DOCK8: variants seen among roughly 807,000 people sequenced by gnomAD.
The protein encoded by DOCK8 is dedicator of cytokinesis 8, also known as dedicator of cytokinesis protein 8.
DOCK8 carries 141 observed loss-of-function variants against 245.6 expected under a neutral mutation model. The ratio of observed to expected loss-of-function variants is 0.57; its 90% confidence interval spans 0.50 to 0.66. The LOEUF (loss-of-function observed/expected upper bound fraction) is 0.66. Among genes scored for constraint, DOCK8 ranks in the 30% least tolerant of loss-of-function variants. The probability of loss-of-function intolerance (pLI) is 0.00; values close to 1 mark genes in which losing one functional copy is unlikely to be tolerated. For synonymous variants in DOCK8, 1,168 were observed against 970.2 expected, an observed-to-expected ratio of 1.20 and a Z score of -3.79; for missense variants, 2,965 against 2,603.4, an observed-to-expected ratio of 1.14 and a Z score of -3.02.
intron 14 of DOCK8, among the ~76,000 whole-genome samples, chr9:362,023 C>G (rs570971402): frequency 4.5e-4 from 68 of 152,260 alleles, no homozygotes; most frequent in Non-Finnish European, 8.8e-4. Context: ...GTTGTTCGAC[C>G]TTGAACAACT....
intron 5 of DOCK8, among the ~76,000 whole-genome samples, chr9:307,461 C>T (rs769671538): frequency 1.4e-4 from 20 of 147,308 alleles, no homozygotes; most frequent in Admixed American, 6.3e-4. Flanking sequence ...CAAGTTCAAG[C>T]GATTCTTCTG....
chr9:253,970 A>C (rs1270586738), intron 1 of DOCK8, among the ~76,000 whole-genome samples: 2 of 152,250 alleles, frequency 1.3e-5, no homozygotes, highest in Non-Finnish European at 2.9e-5. Context: ...AATGCAAAGT[A>C]TTCTAAAACT....
rs1564016709 is a variant in DOCK8 at position 400,951 on chromosome 9, CA to C, written c.3234+1693del. The stretch of plus-strand genomic sequence containing the variant: ...CCACAACATCCACCACCACCATCAC[CA>C]CCACCACCACCACCTCCTCCACCAT... On this transcript the variant is annotated intron_variant, in intron 26 of 47. Coordinates refer to ENST00000432829, the MANE Select transcript of DOCK8 (RefSeq NM_203447.4). 1.1e-4 allele frequency among the ~76,000 whole-genome samples: 8 copies of C among 72,538 alleles called. 2 individuals are homozygous for C. In the African/African-American group the frequency reaches 2.2e-3, roughly 20 times the overall value. 47.6% of individuals were successfully genotyped at this position (72,538 alleles called of 152,430 possible).
chr9:258,875 G>A (rs522222), intron 1 of DOCK8, among the ~76,000 whole-genome samples: 60,310 of 151,824 alleles, frequency 0.4, 12,615 homozygotes, highest in East Asian at 0.79. Context: ...TGGGATTACG[G>A]GCGTGAGCCA....
chr9:386,851 A>C (rs2053977535), intron 23 of DOCK8, among the ~76,000 whole-genome samples: 1 of 152,238 alleles, frequency 6.6e-6, no homozygotes, highest in African/African-American at 2.4e-5. Flanking sequence ...TCCTTGACAA[A>C]AGTGAATGGC....
chr9:296,764 C>T (rs1476445000), intron 4 of DOCK8, among the ~76,000 whole-genome samples: 1 of 152,180 alleles, frequency 6.6e-6, no homozygotes, highest in Non-Finnish European at 1.5e-5. Flanking sequence ...ACGCCCGGCT[C>T]ATCAGCCTAT....
chr9:420,345 T>G (rs1483368507), intron 30 of DOCK8, 56 bp from the exon 31 acceptor site: 1 of 1,603,408 alleles, frequency 6.2e-7, no homozygotes, highest in African/African-American at 1.3e-5. Context: ...AGCCTCAAAT[T>G]TTTCTGTTGC....
At chr9:401,642 T>A (rs1333982861) in intron 26 of DOCK8, among the ~76,000 whole-genome samples, 2 of 152,054 alleles carry the variant, frequency 1.3e-5, no homozygotes, top group Non-Finnish European at 1.5e-5. Flanking sequence ...ATGGTAAAAT[T>A]TGAGTTAGGT....
At chr9:367,471 T>G (rs1039515394) in intron 14 of DOCK8, among the ~76,000 whole-genome samples, 1 of 152,032 alleles carries the variant, frequency 6.6e-6, no homozygotes, top group Non-Finnish European at 1.5e-5. Context: ...GTCCTATAGT[T>G]GTCAAATGGA....
intron 1 of DOCK8, chr9:268,222 G>C (rs893635588): frequency 2.0e-5 from 3 of 152,160 alleles, no homozygotes; most frequent in Non-Finnish European, 4.4e-5. Context: ...CCATTCGTTT[G>C]TATTTGACAG....
chr9:301,505 C>T (rs967332271), intron 4 of DOCK8, among the ~76,000 whole-genome samples: 1 of 152,058 alleles, frequency 6.6e-6, no homozygotes, highest in South Asian at 2.1e-4. Context: ...AGAAATCAGG[C>T]AAGAAAAAGA....
chr9:342,534 A>G (rs983577072), intron 14 of DOCK8, among the ~76,000 whole-genome samples: 2 of 151,142 alleles, frequency 1.3e-5, no homozygotes, highest in East Asian at 3.9e-4. Context: ...CAGTGACATG[A>G]TCTCGGTTCA....
At chr9:394,283 T>C (rs2054339399) in intron 24 of DOCK8, among the ~76,000 whole-genome samples, 1 of 152,032 alleles carries the variant, frequency 6.6e-6, no homozygotes, top group African/African-American at 2.4e-5. Flanking sequence ...GGAGCTGGGG[T>C]AGGGGCAAAT....
chr9:222,752 T>C (rs1437810017), intron 1 of DOCK8, among the ~76,000 whole-genome samples: 1 of 152,246 alleles, frequency 6.6e-6, no homozygotes, highest in Non-Finnish European at 1.5e-5. Flanking sequence ...GTTCCTTTAA[T>C]AGGTGGATTA....
chr9:317,083 A>G lies in DOCK8; in HGVS notation c.782A>G (p.Lys261Arg). Residue 261 changes from lysine (K) to arginine (R), a missense_variant, in exon 7 of 48, where the codon AAG becomes AGG. Transcript: ENST00000432829. ...VEIRPVPECP[K>R]EHLGNRILVK... ...ATACGTCCAGTACCAGAATGTCCCAAGGAACACCTGGGCAACAGAATATTG... is the reference window on the plus strand; with the variant it reads ...ATACGTCCAGTACCAGAATGTCCCAGGGAACACCTGGGCAACAGAATATTG... 1 of 1,614,116 alleles carries G rather than the reference A, an allele frequency of 6.2e-7. No homozygotes were observed. Among genetic ancestry groups the G allele is most frequent in the Non-Finnish European group, 8.5e-7 (1 of 1,179,926 alleles).
upstream of DOCK8, chr9:214,735 C>T (rs976097558): frequency 6.6e-6 from 10 of 1,519,010 alleles, no homozygotes; most frequent in Non-Finnish European, 7.9e-6. Context: ...GGGCCCACGC[C>T]CTCCTCGCCC....
chr9:256,435 A>G (rs527485531), intron 1 of DOCK8, among the ~76,000 whole-genome samples: 1 of 152,332 alleles, frequency 6.6e-6, no homozygotes, highest in Non-Finnish European at 1.5e-5. Context: ...TTCTTTTTCT[A>G]TAAAATGAGG....
chr9:333,730 T>C (rs1452956234), intron 10 of DOCK8, among the ~76,000 whole-genome samples: 2 of 152,122 alleles, frequency 1.3e-5, no homozygotes, highest in Non-Finnish European at 2.9e-5. Context: ...TCTTTTATTC[T>C]GAACTCAGAA....
chr9:400,791 T>TCAC (rs1161200242), intron 26 of DOCK8, among the ~76,000 whole-genome samples: 666 of 4,794 alleles, frequency 0.14, 65 homozygotes, highest in Admixed American at 0.2. Context: ...ACCTCCACCA[T>TCAC]CACCACCACC....
Sources: allele counts gnomAD v4.1 joint callset (sites outside exome capture counted in the v4.1 genomes callset), GRCh38; gene constraint gnomAD v4.1.1; transcripts MANE v1.5; gene names NCBI Gene and HGNC (gene_info 2026-07-23, HGNC 2026-07-21).